The following NMRK2 variants were observed in gnomAD, a reference collection of about 807,000 sequenced individuals.
NMRK2 encodes the protein NRK 2.
In NMRK2, 34 loss-of-function variants were observed where a neutral mutation model predicts 24.7. That is an observed-to-expected ratio of 1.37 (90% CI 1.05 to 1.83). The LOEUF (loss-of-function observed/expected upper bound fraction) is 1.83. Ranked by LOEUF, NMRK2 falls within the 40% of genes most tolerant of loss-of-function variation. The pLI, the probability that NMRK2 is intolerant of heterozygous loss-of-function variation, is 0.00. For synonymous variants in NMRK2, 145 were observed against 125.6 expected, an observed-to-expected ratio of 1.15 and a Z score of -1.03; for missense variants, 341 against 315.0, an observed-to-expected ratio of 1.08 and a Z score of -0.62.
Position 3,933,647 on chromosome 19 carries a change from G to A in NMRK2, c.-25G>A. 2.0e-6 allele frequency: 3 copies of A among 1,515,850 alleles called. No homozygotes were observed. Among genetic ancestry groups the A allele is most frequent in the South Asian group, 1.2e-5 (1 of 82,714 alleles). The allele number at this position is 1,515,850 out of a possible 1,614,324, so 93.9% of individuals were successfully genotyped here. On this transcript the variant is annotated 5_prime_UTR_variant, in exon 2 of 8. Transcript: ENST00000168977. ...CCCTACCCGGGCTGCCTTGGAAGTC[G>A]TCCCCGCCGCCCCTCCGCACCGGCA...
chr19:3,934,003 T>C (rs879708107), intron 2 of NMRK2, among the ~76,000 whole-genome samples: 17 of 151,702 alleles, frequency 1.1e-4, no homozygotes, highest in Admixed American at 6.6e-4. Context: ...ATCCTGGCAC[T>C]TTGGGAGGCC....
At chr19:3,936,407 C>CAA (rs141137993) in intron 2 of NMRK2, among the ~76,000 whole-genome samples, 168 bp from the exon 3 acceptor site, 9,781 of 149,472 alleles carry the variant, frequency 0.065, 400 homozygotes, top group Non-Finnish European at 0.092. Context: ...GACTTGGTCT[C>CAA]AAAAAAAAAG....
intron 4 of NMRK2, among the ~76,000 whole-genome samples, chr19:3,938,055 C>T (rs113218267): frequency 7.5e-4 from 86 of 115,074 alleles, no homozygotes; most frequent in Non-Finnish European, 9.9e-4. Context: ...CGTCCACTGT[C>T]CCCCCGGGGT....
intron 1 of NMRK2, 132 bp from the exon 2 acceptor site, chr19:3,933,326 T>G (rs1417801698): frequency 1.2e-3 from 208 of 175,850 alleles, no homozygotes; most frequent in African/African-American, 4.5e-3. Flanking sequence ...AGGGTGGGGG[T>G]GGAGAGGAGG....
intron 4 of NMRK2, among the ~76,000 whole-genome samples, chr19:3,938,061 G>A (rs1456971281): frequency 7.8e-6 from 1 of 128,482 alleles, no homozygotes; most frequent in Admixed American, 8.0e-5. Context: ...CTGTCCCCCC[G>A]GGGTCCACCC....
chr19:3,934,478 C>T (rs1022020700), intron 2 of NMRK2, among the ~76,000 whole-genome samples: 2 of 152,012 alleles, frequency 1.3e-5, no homozygotes, highest in South Asian at 2.1e-4. Context: ...CTCACACCCC[C>T]GCCTCAGAAG....
chr19:3,939,958 A>G lies in NMRK2; in HGVS notation c.382A>G (p.Lys128Glu). ...YFLTVPYEEC[K>E]WRRSTRNYTV... is the part of the protein sequence containing the mutation. ...CCTGACCGTCCCGTATGAAGAGTGC[A>G]AGTGGAGGAGAAGGTGCACTTGGTG... Residue 128 changes from lysine (K) to glutamate (E), a missense_variant, in exon 6 of 8, where the codon AAG becomes GAG. Physicochemically the swap from Lys to Glu is moderately conservative, Grantham distance 56. Transcript: ENST00000168977. The G allele has an allele frequency of 6.2e-7, 1 of 1,613,452 alleles. No individual in the cohort carries two copies. The highest frequency in any genetic ancestry group is 8.5e-7 in the Non-Finnish European group (1 of 1,179,570).
intron 3 of NMRK2, 128 bp downstream of exon 3, chr19:3,936,793 C>T: frequency 1.4e-6 from 1 of 730,832 alleles, no homozygotes; most frequent in Non-Finnish European, 2.2e-6. Context: ...CCCTGCCTGA[C>T]CCCTCCTGGG....
chr19:3,941,330 A>T (rs2039330054), intron 7 of NMRK2, among the ~76,000 whole-genome samples, 153 bp downstream of exon 7: 1 of 149,298 alleles, frequency 6.7e-6, no homozygotes, highest in Non-Finnish European at 1.5e-5. Context: ...GCTCACTGCA[A>T]CCTCCGCCTC....
At chr19:3,940,026 C>T in intron 6 of NMRK2, 55 bp downstream of exon 6, 3 of 1,500,348 alleles carry the variant, frequency 2.0e-6, no homozygotes, top group Non-Finnish European at 2.8e-6. Context: ...TCTTGAATTA[C>T]TGGGTGGAAC....
intron 4 of NMRK2, among the ~76,000 whole-genome samples, chr19:3,938,320 C>T (rs1259860591): frequency 4.2e-5 from 6 of 141,356 alleles, no homozygotes; most frequent in African/African-American, 1.7e-4. Flanking sequence ...GCCCGCTCCC[C>T]GTCCACTGTT....
intron 6 of NMRK2, 58 bp downstream of exon 6, chr19:3,940,029 G>A (rs1178207779): frequency 1.3e-6 from 2 of 1,484,594 alleles, no homozygotes; most frequent in Non-Finnish European, 1.9e-6. Flanking sequence ...TGAATTACTG[G>A]GTGGAACCAG....
chr19:3,936,316 G>A (rs1231438509), intron 2 of NMRK2, among the ~76,000 whole-genome samples: 1 of 151,792 alleles, frequency 6.6e-6, no homozygotes, highest in Non-Finnish European at 1.5e-5. Flanking sequence ...GCTGAGGCAG[G>A]AGAATTGCTT....
intron 2 of NMRK2, among the ~76,000 whole-genome samples, chr19:3,935,251 CTTTT>C (rs900517564): frequency 2.3e-4 from 24 of 105,618 alleles, no homozygotes; most frequent in Admixed American, 1.2e-3. Context: ...TTCCGTCAGT[CTTTT>C]TTTTTTTTTT....
Position 3,942,181 on chromosome 19 carries a change from T to C in NMRK2, c.601T>C (p.Ser201Pro), listed in dbSNP as rs1599166923. 6.2e-7 allele frequency: 1 copy of C among 1,613,030 alleles called. No individual in the cohort carries two copies. The highest frequency in any genetic ancestry group is 8.5e-7 in the Non-Finnish European group (1 of 1,179,972). The part of the protein sequence containing the change: ...LLNRSQESAP[S>P]PARPARTQGP... The stretch of plus-strand genomic sequence containing the variant: ...GAACCGCTCCCAGGAATCAGCCCCC[T>C]CCCCGGCTCGCCCAGCCAGGACACA... Residue 201 changes from serine to proline, a missense_variant, in exon 8 of 8, where the codon TCC (serine) becomes CCC (proline). By Grantham distance (74) the Ser-to-Pro change is moderately conservative (BLOSUM62 -1). Transcript: ENST00000168977.
intron 5 of NMRK2, 75 bp from the exon 6 acceptor site, chr19:3,939,825 T>C: frequency 7.3e-7 from 1 of 1,369,268 alleles, no homozygotes; most frequent in Admixed American, 1.8e-5. Context: ...AAGCCAAGGC[T>C]GGGGGGTTGG....
At position 3,939,965 on chromosome 19, in the gene NMRK2, G is replaced by A. The variant is rs910845544; in HGVS notation, c.389G>A (p.Arg130Lys). ...GTCCCGTATGAAGAGTGCAAGTGGA[G>A]GAGAAGGTGCACTTGGTGTCTGGGG... ...LTVPYEECKW[R>K]RSTRNYTVPD... The change falls in exon 6 of 8, where the codon AGG (arginine) becomes AAG (lysine). Residue 130 changes from arginine (R) to lysine (K), a missense_variant. Physicochemically the swap from Arg to Lys is conservative, Grantham distance 26 (BLOSUM62 2). Transcript: ENST00000168977. 6.2e-7 allele frequency: 1 copy of A among 1,613,178 alleles called. No individual in the cohort carries two copies. The highest frequency in any genetic ancestry group is 1.1e-5 in the South Asian group (1 of 91,054).
chr19:3,942,046 C>T, intron 7 of NMRK2, 37 bp from the exon 8 acceptor site: 1 of 1,589,182 alleles, frequency 6.3e-7, no homozygotes, highest in Non-Finnish European at 8.6e-7. Flanking sequence ...TGGCCCCCTT[C>T]CTCCCGGCAG....
rs866895814 is a variant in NMRK2, at chr19:3,938,833, T to G, written c.323+74T>G. ...TATAGCCATCTCTTGTTTTTTTTTT[T>G]TTTTTTTTTTGTTTTGTTTTTTTTT... On this transcript the variant is annotated intron_variant, in intron 5 of 7. Transcript: ENST00000168977. 5.7e-4 allele frequency: 348 copies of G among 605,852 alleles called. 7 individuals are homozygous for G. The highest frequency in any genetic ancestry group is 5.3e-3 in the African/African-American group (119 of 22,596). The allele number at this position is 605,852 out of a possible 1,614,324, so 37.5% of individuals were successfully genotyped here.
Sources: allele counts gnomAD v4.1 joint callset (sites outside exome capture counted in the v4.1 genomes callset), GRCh38; gene constraint gnomAD v4.1.1; transcripts MANE v1.5; gene names NCBI Gene and HGNC (gene_info 2026-07-23, HGNC 2026-07-21).